The following KANK4 variants were observed in gnomAD, a reference collection of about 807,000 sequenced individuals.
The protein encoded by KANK4 is KN motif and ankyrin repeat domains 4.
Under a neutral mutation model 80.8 loss-of-function variants are expected in KANK4, and 50 were observed. The ratio of observed to expected loss-of-function variants is 0.62; its 90% CI spans 0.49 to 0.78. The LOEUF (loss-of-function observed/expected upper bound fraction) is 0.78. Among genes scored for constraint, KANK4 ranks in the 30% least tolerant of loss-of-function variants. The pLI, the probability that KANK4 is intolerant of heterozygous loss-of-function variation, is 0.00. For missense variants in KANK4, 1,196 were observed against 1,240.1 expected (o/e 0.96, Z 0.53); for synonymous variants, 465 against 506.9 (o/e 0.92, Z 1.11).
chr1:62,244,736 C>T (rs1280237539), intron 9 of KANK4, among the ~76,000 whole-genome samples: 2 of 152,114 alleles, frequency 1.3e-5, no homozygotes, highest in Non-Finnish European at 2.9e-5. Context: ...TGAAAACAGA[C>T]TAATACAGGG....
intron 2 of KANK4, among the ~76,000 whole-genome samples, chr1:62,279,204 AC>A: frequency 2.8e-5 from 1 of 35,888 alleles, no homozygotes; most frequent in African/African-American, 7.4e-5. Context: ...GCGCGCACAC[AC>A]ACACACACAC....
At chr1:62,304,196 G>T (rs1326102338) in intron 1 of KANK4, among the ~76,000 whole-genome samples, 1 of 151,984 alleles carries the variant, frequency 6.6e-6, no homozygotes, top group Admixed American at 6.5e-5. Flanking sequence ...ATTTCTATTG[G>T]CAAGAGCTGG....
intron 1 of KANK4, among the ~76,000 whole-genome samples, chr1:62,316,853 C>T (rs1644545723): frequency 6.6e-6 from 1 of 152,160 alleles, no homozygotes; most frequent in South Asian, 2.1e-4. Context: ...CTCAGTGTAG[C>T]TGATGTTTGC....
At chr1:62,287,435 A>G (rs1414627706) in intron 1 of KANK4, among the ~76,000 whole-genome samples, 1 of 152,198 alleles carries the variant, frequency 6.6e-6, no homozygotes, top group Non-Finnish European at 1.5e-5. Flanking sequence ...TGTGCCTTCC[A>G]AGACCAGAGC....
intron 9 of KANK4, among the ~76,000 whole-genome samples, chr1:62,245,903 A>T (rs1454431655): frequency 1.3e-5 from 2 of 152,138 alleles, no homozygotes; most frequent in African/African-American, 2.4e-5. Context: ...GCACTCTACT[A>T]GGTGTGGGAG....
intron 9 of KANK4, among the ~76,000 whole-genome samples, chr1:62,242,480 T>A (rs1362738475): frequency 1.3e-5 from 2 of 150,366 alleles, no homozygotes; most frequent in African/African-American, 4.9e-5. Flanking sequence ...TCATCACTAG[T>A]CCACTATGCA....
intron 1 of KANK4, among the ~76,000 whole-genome samples, chr1:62,297,500 C>T (rs1644376323): frequency 6.6e-6 from 1 of 152,116 alleles, no homozygotes; most frequent in African/African-American, 2.4e-5. Flanking sequence ...GTGTTCTTTG[C>T]CTTTTGGGTC....
Position 62,268,291 on chromosome 1 carries a change from C to T in KANK4, c.2227G>A (p.Glu743Lys), listed in dbSNP as rs199995008. 4.2e-5 allele frequency: 67 copies of T among 1,613,256 alleles called. No homozygotes were observed. Among genetic ancestry groups the T allele is most frequent in the Admixed American group, 1.2e-4 (7 of 59,978 alleles). The stretch of plus-strand genomic sequence containing the variant: ...CGTTTGTGTCCATTTGCTCACCTCT[C>T]GGCCTTGGAGTGGGGGACTTCTTCC... ...PGEEVPHSKA[E>K]RYKPSEEFLN... Residue 743 changes from glutamate (E) to lysine (K), a missense_variant, in exon 5 of 10, where the codon GAG becomes AAG. Transcript: ENST00000371153.
chr1:62,240,965 T>C (rs763768520), intron 9 of KANK4, among the ~76,000 whole-genome samples: 9 of 152,190 alleles, frequency 5.9e-5, no homozygotes, highest in Non-Finnish European at 1.3e-4. Context: ...TATTGGGAGC[T>C]GAAACCTGAC....
chr1:62,245,293 CAAG>C (rs745685517), intron 9 of KANK4, among the ~76,000 whole-genome samples: 5 of 152,236 alleles, frequency 3.3e-5, no homozygotes, highest in Non-Finnish European at 7.3e-5. Flanking sequence ...ATATGAATGT[CAAG>C]AAGGTCAGTG....
intron 1 of KANK4, among the ~76,000 whole-genome samples, chr1:62,315,475 C>T (rs190629607): frequency 8.5e-5 from 13 of 152,108 alleles, no homozygotes; most frequent in Admixed American, 2.6e-4. Flanking sequence ...TGCCAGGGAT[C>T]GACACACATG....
intron 5 of KANK4, among the ~76,000 whole-genome samples, chr1:62,267,801 CA>C (rs59851783): frequency 9.3e-4 from 118 of 126,492 alleles, no homozygotes; most frequent in Admixed American, 1.3e-3. Flanking sequence ...GACTCCGTCT[CA>C]AAAAAAAAAA....
At chr1:62,316,059 A>T (rs1311352249) in intron 1 of KANK4, among the ~76,000 whole-genome samples, 1 of 152,240 alleles carries the variant, frequency 6.6e-6, no homozygotes, top group African/African-American at 2.4e-5. Flanking sequence ...GCAGCAAGCA[A>T]GAACCCCGTT....
At position 62,302,389 on chromosome 1, in the gene KANK4, T is replaced by C. The variant is rs141020304; in HGVS notation, c.-71+16717A>G. Among the ~76,000 whole-genome samples, 138 of 152,150 alleles carry C rather than the reference T, an allele frequency of 9.1e-4. No individual in the cohort carries two copies. The Middle Eastern group carries it at 0.02, about 23-fold the overall frequency. ...TGTGCTAAATAAAAGATGCAACACA[T>C]GTTGAATTTACTCATTACCACTACC... is the stretch of plus-strand genomic sequence containing the variant. On this transcript the variant is annotated intron_variant, in intron 1 of 9. Coordinates refer to ENST00000371153, the MANE Select transcript of KANK4 (RefSeq NM_181712.5).
chr1:62,262,392 C>A (rs1671907043), intron 7 of KANK4, among the ~76,000 whole-genome samples: 4 of 152,198 alleles, frequency 2.6e-5, no homozygotes, highest in African/African-American at 9.7e-5. Flanking sequence ...ACAGAGGGAA[C>A]TTTCAACAGT....
intron 9 of KANK4, 140 bp downstream of exon 9, chr1:62,247,332 G>T (rs1361093441): frequency 1.1e-5 from 7 of 614,226 alleles, no homozygotes; most frequent in East Asian, 2.8e-5. Context: ...AGAGATGGGG[G>T]TCTCCCTATG....
chr1:62,304,602 C>T (rs1270798043), intron 1 of KANK4, among the ~76,000 whole-genome samples: 1 of 151,868 alleles, frequency 6.6e-6, no homozygotes, highest in Non-Finnish European at 1.5e-5. Flanking sequence ...CCACCCAGCC[C>T]CATCCTCTTC....
rs1248215670 is a variant in KANK4, at chr1:62,237,058, T to C, written c.*1219A>G. On this transcript the variant is annotated 3_prime_UTR_variant, in exon 10 of 10. Transcript: ENST00000371153. ...CAGCAAATTGGCATCTGAGCCAAAATGAGAGTGCAAGCTTTTGAGTTTCCA... is the reference window on the plus strand; with the variant it reads ...CAGCAAATTGGCATCTGAGCCAAAACGAGAGTGCAAGCTTTTGAGTTTCCA... 5 of 151,654 alleles carry C rather than the reference T, an allele frequency of 3.3e-5. No homozygotes were observed. The highest frequency in any genetic ancestry group is 5.9e-5 in the Non-Finnish European group (4 of 67,994). The allele number at this position is 151,654 out of a possible 1,614,324, so 9.4% of individuals were successfully genotyped here.
chr1:62,293,062 TTGTG>T (rs5774593), intron 1 of KANK4, among the ~76,000 whole-genome samples: 4,464 of 146,666 alleles, frequency 0.03, 83 homozygotes, highest in Middle Eastern at 0.063. Flanking sequence ...GTCTCAATCT[TTGTG>T]TGTGTGTGTG....
Sources: gnomAD v4.1 joint callset for allele counts (sites outside exome capture counted in the v4.1 genomes callset) on GRCh38, gnomAD v4.1.1 for gene constraint, MANE v1.5 for transcripts, NCBI Gene and HGNC (gene_info 2026-07-23, HGNC 2026-07-21) for gene names.